Variants in SIMC1 observed in about 807,000 individuals in gnomAD.
SIMC1 encodes the protein SUMO-interacting motif-containing protein 1.
Under a neutral mutation model 82.3 loss-of-function variants are expected in SIMC1, and 55 were observed. The ratio of observed to expected loss-of-function variants is 0.67; its 90% CI spans 0.54 to 0.84. The LOEUF is 0.84. Ranked by LOEUF, SIMC1 falls within the 40% of genes least tolerant of loss-of-function variation. The pLI, the probability that SIMC1 is intolerant of heterozygous loss-of-function variation, is 0.00. For synonymous variants in SIMC1, 353 were observed against 426.3 expected (o/e 0.83, Z 2.12); for missense variants, 915 against 1,107.2 (o/e 0.83, Z 2.46).
intron 1 of SIMC1, among the ~76,000 whole-genome samples, chr5:176,265,868 T>C (rs1426285729): frequency 2.6e-5 from 4 of 152,072 alleles, no homozygotes; most frequent in Non-Finnish European, 4.4e-5. Flanking sequence ...TGGATCCAAG[T>C]ACCTTATAGC....
intron 1 of SIMC1, among the ~76,000 whole-genome samples, chr5:176,253,890 G>A (rs576915634): frequency 6.6e-6 from 1 of 152,124 alleles, no homozygotes; most frequent in Non-Finnish European, 1.5e-5. Context: ...AGGATTCAAG[G>A]TTCAATTAAA....
intron 7 of SIMC1, 88 bp downstream of exon 7, chr5:176,324,845 C>CT (rs896782732): frequency 7.1e-7 from 1 of 1,405,314 alleles, no homozygotes; most frequent in African/African-American, 1.5e-5. Flanking sequence ...ATTAACTTTT[C>CT]TATCTATGCT....
At chr5:176,265,261 CCACTT>C in intron 1 of SIMC1, among the ~76,000 whole-genome samples, 1 of 100,728 alleles carries the variant, frequency 9.9e-6, no homozygotes, top group Admixed American at 1.1e-4. Context: ...GAAGGACTCT[CCACTT>C]CAAACAAACA....
At chr5:176,245,951 T>C (rs1042224011) in intron 1 of SIMC1, among the ~76,000 whole-genome samples, 1 of 152,068 alleles carries the variant, frequency 6.6e-6, no homozygotes, top group Non-Finnish European at 1.5e-5. Context: ...TTGTGGTACT[T>C]ATCAGGCATT....
chr5:176,280,259 G>T (rs1245604077), intron 1 of SIMC1, among the ~76,000 whole-genome samples: 3 of 152,002 alleles, frequency 2.0e-5, no homozygotes, highest in Admixed American at 6.6e-5. Context: ...GATCTTTGTT[G>T]GTTTAAAGTC....
intron 1 of SIMC1, among the ~76,000 whole-genome samples, chr5:176,251,691 C>G (rs1309272708): frequency 6.6e-6 from 1 of 150,798 alleles, no homozygotes; most frequent in East Asian, 1.9e-4. Context: ...AACAAGTGAA[C>G]AAAGGTCTCT....
Position 176,345,269 on chromosome 5 carries a change from G to C in SIMC1, c.2500G>C (p.Val834Leu). The C allele has an allele frequency of 6.2e-7, 1 of 1,614,014 alleles. No individual in the cohort carries two copies. Among genetic ancestry groups the C allele is most frequent in the Non-Finnish European group, 8.5e-7 (1 of 1,179,886 alleles). Residue 834 changes from valine (V) to leucine (L), a missense_variant, in exon 10 of 10, where the codon GTG becomes CTG. By Grantham distance (32) the Val-to-Leu change is conservative (BLOSUM62 1). Transcript: ENST00000429602. ...PKPQQGDDIT[V>L]VDVEKQIEAF... is the part of the protein sequence containing the mutation. ...ACCCCAGCAAGGAGATGACATCACA[G>C]TGGTAGACGTAGAGAAGCAGATTGA...
intron 7 of SIMC1, among the ~76,000 whole-genome samples, chr5:176,333,193 A>G (rs926221401): frequency 2.6e-5 from 4 of 151,994 alleles, no homozygotes; most frequent in Admixed American, 6.5e-5. Context: ...CATCTCAGCT[A>G]CTTGGGAGGG....
chr5:176,272,296 C>G (rs1389238907), intron 1 of SIMC1, among the ~76,000 whole-genome samples: 1 of 151,078 alleles, frequency 6.6e-6, no homozygotes, highest in African/African-American at 2.4e-5. Context: ...CATAGCGAGA[C>G]CCCATCTCAA....
In SIMC1 at chr5:176,314,127, C is replaced by T. The variant is rs112540511; in HGVS notation, c.1889+282C>T. On this transcript the variant is annotated intron_variant, in intron 5 of 9. Transcript: ENST00000429602. ...ACTAAAAATATACAAATTAGCAGGG[C>T]GTGGTGGCGTATGCCTGTAATTCCA... Among the ~76,000 whole-genome samples, 21,402 of 151,982 alleles carry T rather than the reference C, an allele frequency of 0.14. 1,528 individuals carry two copies. Among genetic ancestry groups the T allele is most frequent in the Middle Eastern group, 0.21 (61 of 294 alleles).
intron 1 of SIMC1, among the ~76,000 whole-genome samples, chr5:176,283,891 C>T (rs903373064): frequency 6.6e-6 from 1 of 152,148 alleles, no homozygotes; most frequent in Non-Finnish European, 1.5e-5. Flanking sequence ...TCTGATAAAA[C>T]AGACTTTAAA....
At chr5:176,343,015 C>T (rs1659391143) in intron 9 of SIMC1, among the ~76,000 whole-genome samples, 1 of 152,206 alleles carries the variant, frequency 6.6e-6, no homozygotes, top group Non-Finnish European at 1.5e-5. Context: ...GCACTTCCAT[C>T]TCAAGGCAGC....
intron 4 of SIMC1, among the ~76,000 whole-genome samples, chr5:176,303,366 T>G (rs2113303973): frequency 6.6e-6 from 1 of 151,182 alleles, no homozygotes; most frequent in East Asian, 1.9e-4. Flanking sequence ...CAGCTCTTAT[T>G]GCCCAGGCTA....
intron 1 of SIMC1, among the ~76,000 whole-genome samples, chr5:176,278,762 G>A (rs1762838183): frequency 7.0e-6 from 1 of 142,244 alleles, no homozygotes. Flanking sequence ...TTATTGTTTT[G>A]CATATATTGA....
chr5:176,289,860 C>G lies in SIMC1; in HGVS notation c.336C>G (p.His112Gln), dbSNP rs2560197. ...CTGGCAAAGCGGTGATGGAAGGGCA[C>G]GTGGACAGAAGCTCTCAGCCTACAG... is the stretch of plus-strand genomic sequence containing the variant. ...SLSGKAVMEG[H>Q]VDRSSQPTAR... Residue 112 changes from histidine to glutamine, a missense_variant, in exon 2 of 10, where the codon CAC (histidine) becomes CAG (glutamine). Coordinates refer to ENST00000429602, the MANE Select transcript of SIMC1 (RefSeq NM_001308195.2). 1.8e-5 allele frequency: 29 copies of G among 1,613,752 alleles called. No individual in the cohort carries two copies. In the Admixed American group the frequency reaches 2.8e-4, roughly 16 times the overall value.
intron 7 of SIMC1, among the ~76,000 whole-genome samples, chr5:176,335,107 A>AAAT (rs1356087607): frequency 6.6e-6 from 1 of 150,478 alleles, no homozygotes; most frequent in Non-Finnish European, 1.5e-5. Context: ...AAAAAAAAAA[A>AAAT]AATAATAATA....
chr5:176,322,730 G>C, intron 6 of SIMC1: 1 of 258,406 alleles, frequency 3.9e-6, no homozygotes, highest in Non-Finnish European at 7.4e-6. Flanking sequence ...ACAGTAAAGG[G>C]TTACAGCTCC....
At chr5:176,265,818 TAAC>T (rs923473070) in intron 1 of SIMC1, among the ~76,000 whole-genome samples, 1 of 152,002 alleles carries the variant, frequency 6.6e-6, no homozygotes, top group Admixed American at 6.6e-5. Context: ...GAGAATAAAT[TAAC>T]AAATATTATT....
intron 2 of SIMC1, among the ~76,000 whole-genome samples, chr5:176,294,096 T>A (rs1422766191): frequency 6.6e-6 from 1 of 152,164 alleles, no homozygotes; most frequent in Non-Finnish European, 1.5e-5. Flanking sequence ...ATCACAGCTA[T>A]CCCTAAGTCT....
Sources: allele counts gnomAD v4.1 joint callset (sites outside exome capture counted in the v4.1 genomes callset), GRCh38; gene constraint gnomAD v4.1.1; transcripts MANE v1.5; gene names NCBI Gene and HGNC (gene_info 2026-07-23, HGNC 2026-07-21).